Variants in FOXP1 observed in about 807,000 individuals in gnomAD.
FOXP1 encodes forkhead box protein P1.
In FOXP1, 15 loss-of-function variants were observed where a neutral mutation model predicts 98.2. The observed-to-expected ratio is 0.15, with a 90% CI of 0.10 to 0.24. The LOEUF is 0.24. Among genes scored for constraint, FOXP1 ranks in the 10% least tolerant of loss-of-function variants. FOXP1 has a pLI of 1.00. For synonymous variants in FOXP1, 371 were observed against 314.5 expected, an observed-to-expected ratio of 1.18 and a Z score of -1.90; for missense variants, 633 against 848.5, an observed-to-expected ratio of 0.75 and a Z score of 3.15.
intron 6 of FOXP1, among the ~76,000 whole-genome samples, chr3:71,151,335 C>T (rs953704482): frequency 3.9e-5 from 6 of 152,118 alleles, no homozygotes; most frequent in Admixed American, 6.5e-5. Context: ...TCACTACGCG[C>T]GTCAGGATTT....
intron 12 of FOXP1, among the ~76,000 whole-genome samples, chr3:71,009,956 A>G (rs1009248339): frequency 2.6e-4 from 37 of 140,886 alleles, no homozygotes; most frequent in African/African-American, 9.6e-4. Context: ...GGGTCTTGCT[A>G]TGTTGACCTG....
intron 6 of FOXP1, among the ~76,000 whole-genome samples, chr3:71,126,281 G>A (rs1205153666): frequency 1.3e-5 from 2 of 149,368 alleles, no homozygotes; most frequent in East Asian, 2.0e-4. Context: ...TCAGGAGATC[G>A]AGACCATACT....
At chr3:71,251,549 G>A (rs767500219) in intron 5 of FOXP1, among the ~76,000 whole-genome samples, 1 of 152,194 alleles carries the variant, frequency 6.6e-6, no homozygotes, top group Non-Finnish European at 1.5e-5. Flanking sequence ...CCATTTGGAA[G>A]CGGGGGTGGT....
chr3:70,961,434 T>C (rs1337008425), intron 20 of FOXP1, among the ~76,000 whole-genome samples: 2 of 150,220 alleles, frequency 1.3e-5, no homozygotes, highest in Non-Finnish European at 3.0e-5. Flanking sequence ...TTTCACCATA[T>C]TGGTGAGGCT....
At chr3:71,504,389 CAGCGGGAAATGGGT>C (rs2041650971) in intron 2 of FOXP1, among the ~76,000 whole-genome samples, 1 of 152,182 alleles carries the variant, frequency 6.6e-6, no homozygotes, top group Non-Finnish European at 1.5e-5. Context: ...ACAGGTGACT[CAGCGGGAAATGGGT>C]TACCCAGCCA....
chr3:71,137,367 C>T (rs951707194), intron 6 of FOXP1, among the ~76,000 whole-genome samples: 1 of 152,198 alleles, frequency 6.6e-6, no homozygotes, highest in Non-Finnish European at 1.5e-5. Flanking sequence ...CAAGGCACAG[C>T]AAAACATCCT....
chr3:71,224,162 C>G (rs1232094855), intron 5 of FOXP1, among the ~76,000 whole-genome samples: 1 of 152,170 alleles, frequency 6.6e-6, no homozygotes, highest in Non-Finnish European at 1.5e-5. Context: ...GGGTGGTGGT[C>G]AAGTTCTAGG....
In FOXP1 at chr3:70,955,855, C is replaced by A. The variant is rs1351351830; in HGVS notation, c.*3392G>T. ...GCGCACACACACACACACACACACA[C>A]AAAACCTGTACAAAATGCTCCAATC... On this transcript the variant is annotated 3_prime_UTR_variant, in exon 21 of 21. Transcript: ENST00000649528. 7 of 232,572 alleles carry A rather than the reference C, an allele frequency of 3.0e-5. No homozygotes were observed. The highest frequency in any genetic ancestry group is 5.9e-5 in the Non-Finnish European group (7 of 117,866). 14.4% of individuals were successfully genotyped at this position (232,572 alleles called of 1,614,324 possible).
intron 2 of FOXP1, among the ~76,000 whole-genome samples, chr3:71,562,685 C>T (rs940333431): frequency 1.3e-5 from 2 of 152,094 alleles, no homozygotes; most frequent in Admixed American, 1.3e-4. Context: ...AAGAAATTGA[C>T]CCAAGGTCAC....
intron 7 of FOXP1, among the ~76,000 whole-genome samples, chr3:71,093,477 T>A (rs190433093): frequency 1.2e-4 from 17 of 141,020 alleles, no homozygotes; most frequent in Admixed American, 8.1e-4. Context: ...CATTTCAAGT[T>A]CTGTTCCTGT....
intron 11 of FOXP1, among the ~76,000 whole-genome samples, chr3:71,031,174 A>G (rs1196192560): frequency 1.3e-5 from 2 of 152,232 alleles, no homozygotes; most frequent in African/African-American, 4.8e-5. Flanking sequence ...TTCACAGCCA[A>G]GATGTAAAAT....
intron 3 of FOXP1, among the ~76,000 whole-genome samples, chr3:71,482,345 A>G (rs968278450): frequency 1.3e-5 from 2 of 149,812 alleles, no homozygotes; most frequent in Non-Finnish European, 3.0e-5. Flanking sequence ...AATATATAAC[A>G]CTATTAAAAA....
rs139818859 is a variant in FOXP1 at position 71,562,418 on chromosome 3, G to C, written c.-298+19131C>G. On this transcript the variant is annotated intron_variant, in intron 2 of 20. Transcript: ENST00000649528. Reference sequence around the variant, plus strand: ...AGCTTGTCTAAGGGTCATGCGGCTTGTCAGTGGCCAGGCTGGGGATGTGAA... The same window carrying C: ...AGCTTGTCTAAGGGTCATGCGGCTTCTCAGTGGCCAGGCTGGGGATGTGAA... Among the ~76,000 whole-genome samples, 1,205 of 152,330 alleles carry C rather than the reference G, an allele frequency of 7.9e-3. 14 individuals carry two copies. The highest frequency in any genetic ancestry group is 0.027 in the African/African-American group (1,130 of 41,556).
intron 5 of FOXP1, among the ~76,000 whole-genome samples, chr3:71,244,543 C>G (rs1031692550): frequency 2.0e-5 from 3 of 150,806 alleles, no homozygotes; most frequent in African/African-American, 7.3e-5. Context: ...AAAAGAAATA[C>G]GCCCAAGTAG....
chr3:71,461,551 C>A (rs539076669), intron 3 of FOXP1, among the ~76,000 whole-genome samples: 2 of 151,952 alleles, frequency 1.3e-5, no homozygotes, highest in Non-Finnish European at 2.9e-5. Flanking sequence ...GCCTGTAATC[C>A]CAGCACTTTG....
chr3:71,354,229 G>C (rs180775244), intron 4 of FOXP1, among the ~76,000 whole-genome samples: 91 of 151,660 alleles, frequency 6.0e-4, no homozygotes, highest in African/African-American at 2.1e-3. Flanking sequence ...GGTGAGCTGA[G>C]ATTGCGCCAC....
intron 2 of FOXP1, among the ~76,000 whole-genome samples, chr3:71,508,497 G>C (rs548952187): frequency 6.6e-6 from 1 of 152,162 alleles, no homozygotes; most frequent in Non-Finnish European, 1.5e-5. Flanking sequence ...CAGAAGCTCT[G>C]GGGAAGCTGC....
chr3:71,543,177 T>C lies in FOXP1; in HGVS notation c.-298+38372A>G, dbSNP rs144559813. ...GCGAATACCATCTGGGTACCACTTA[T>C]TGAAAACTGGCAGTCGCTCTGTAAT... is the stretch of plus-strand genomic sequence containing the variant. On this transcript the variant is annotated intron_variant, in intron 2 of 20. Coordinates refer to ENST00000649528, the MANE Select transcript of FOXP1 (RefSeq NM_001349338.3). Among the ~76,000 whole-genome samples, 4 of 152,334 alleles carry C rather than the reference T, an allele frequency of 2.6e-5. No individual in the cohort carries two copies. In the East Asian group the frequency reaches 5.8e-4, roughly 22 times the overall value.
chr3:71,277,702 T>C (rs1177722095), intron 5 of FOXP1, among the ~76,000 whole-genome samples: 1 of 152,178 alleles, frequency 6.6e-6, no homozygotes, highest in Non-Finnish European at 1.5e-5. Flanking sequence ...TGAATTGATC[T>C]TTCCCTAATC....
Sources: gnomAD v4.1 joint callset for allele counts (sites outside exome capture counted in the v4.1 genomes callset) on GRCh38, gnomAD v4.1.1 for gene constraint, MANE v1.5 for transcripts, NCBI Gene and HGNC (gene_info 2026-07-23, HGNC 2026-07-21) for gene names.